Variants in L3MBTL4 observed in about 807,000 individuals in gnomAD.
The protein encoded by L3MBTL4 is lethal(3)malignant brain tumor-like protein 4.
Under a neutral mutation model 84.5 loss-of-function variants are expected in L3MBTL4, and 70 were observed. That is an observed-to-expected ratio of 0.83 (90% CI 0.68 to 1.01). L3MBTL4 has a LOEUF of 1.01. Ranked by LOEUF, L3MBTL4 falls within the 50% of genes least tolerant of loss-of-function variation. The pLI is 0.00. For synonymous variants in L3MBTL4, 274 were observed against 259.8 expected (o/e 1.05, Z -0.52); for missense variants, 715 against 754.8 (o/e 0.95, Z 0.62).
At chr18:6,163,259 T>TGGG (rs71163263) in intron 13 of L3MBTL4, among the ~76,000 whole-genome samples, 2 of 57,350 alleles carry the variant, frequency 3.5e-5, no homozygotes, top group Admixed American at 4.3e-4. Context: ...TGTGTGTGTG[T>TGGG]GGGGGGGGGG....
At chr18:6,099,274 C>T (rs1036932956) in intron 14 of L3MBTL4, among the ~76,000 whole-genome samples, 2 of 148,544 alleles carry the variant, frequency 1.3e-5, no homozygotes, top group African/African-American at 5.2e-5. Flanking sequence ...AAGTGAATAT[C>T]TTTTATTCTT....
At chr18:6,365,259 A>C (rs1379351857) in intron 1 of L3MBTL4, among the ~76,000 whole-genome samples, 1 of 152,204 alleles carries the variant, frequency 6.6e-6, no homozygotes, top group Non-Finnish European at 1.5e-5. Flanking sequence ...TATGTTTTAC[A>C]CAGGCAAAAA....
At chr18:6,402,780 T>A (rs959906047) in intron 1 of L3MBTL4, among the ~76,000 whole-genome samples, 3 of 152,176 alleles carry the variant, frequency 2.0e-5, no homozygotes, top group African/African-American at 7.2e-5. Flanking sequence ...CGTTTGAGAG[T>A]GTCAGAATTC....
At chr18:6,002,996 G>A (rs948298203) in intron 16 of L3MBTL4, among the ~76,000 whole-genome samples, 1 of 150,318 alleles carries the variant, frequency 6.7e-6, no homozygotes, top group African/African-American at 2.4e-5. Flanking sequence ...AAAGGGAAAA[G>A]ATGTAAAAGG....
At chr18:6,095,923 A>G (rs2058627813) in intron 14 of L3MBTL4, among the ~76,000 whole-genome samples, 1 of 152,184 alleles carries the variant, frequency 6.6e-6, no homozygotes, top group Admixed American at 6.5e-5. Context: ...AAAAGTTGGA[A>G]GGCATTAGGC....
chr18:6,371,953 AAAG>A (rs1361699650), intron 1 of L3MBTL4, among the ~76,000 whole-genome samples: 1 of 152,160 alleles, frequency 6.6e-6, no homozygotes, highest in Non-Finnish European at 1.5e-5. Flanking sequence ...CTGAAGCCAT[AAAG>A]AAGATACATG....
intron 17 of L3MBTL4, among the ~76,000 whole-genome samples, chr18:5,964,289 G>GA (rs2144716394): frequency 6.6e-6 from 1 of 152,322 alleles, no homozygotes; most frequent in East Asian, 1.9e-4. Context: ...CCTGCCAGCC[G>GA]ACCTCACTTC....
At chr18:6,166,606 G>A (rs1253765961) in intron 13 of L3MBTL4, among the ~76,000 whole-genome samples, 2 of 152,038 alleles carry the variant, frequency 1.3e-5, no homozygotes, top group African/African-American at 2.4e-5. Context: ...TGAAGGCAGA[G>A]ATAAAGATGT....
intron 4 of L3MBTL4, among the ~76,000 whole-genome samples, chr18:6,282,691 G>T (rs890559503): frequency 6.6e-6 from 1 of 152,110 alleles, no homozygotes; most frequent in Non-Finnish European, 1.5e-5. Context: ...CAAAGGAAAG[G>T]TAGGCAGGTG....
At chr18:5,993,846 G>C (rs1489888273) in intron 16 of L3MBTL4, among the ~76,000 whole-genome samples, 5 of 152,128 alleles carry the variant, frequency 3.3e-5, no homozygotes, top group African/African-American at 1.2e-4. Context: ...CACAGGAATG[G>C]AATTTGTAAC....
At chr18:6,311,860 T>G (rs1219301198) in intron 2 of L3MBTL4, 138 bp downstream of exon 2, 3 of 396,570 alleles carry the variant, frequency 7.6e-6, no homozygotes, top group Non-Finnish European at 1.4e-5. Context: ...GTTTACTACC[T>G]CATCTAGAAT....
intron 16 of L3MBTL4, among the ~76,000 whole-genome samples, chr18:6,003,909 T>C (rs188532008): frequency 6.6e-6 from 1 of 152,124 alleles, no homozygotes; most frequent in Admixed American, 6.5e-5. Flanking sequence ...CTGTAAATGC[T>C]TACATTAGAA....
intron 1 of L3MBTL4, among the ~76,000 whole-genome samples, chr18:6,356,514 T>C (rs1312396252): frequency 6.6e-6 from 1 of 152,334 alleles, no homozygotes; most frequent in East Asian, 1.9e-4. Flanking sequence ...ACAAACCTAC[T>C]GGGTAGAGCC....
At chr18:6,000,228 T>C (rs776527994) in intron 16 of L3MBTL4, among the ~76,000 whole-genome samples, 6 of 152,054 alleles carry the variant, frequency 3.9e-5, no homozygotes, top group Non-Finnish European at 5.9e-5. Flanking sequence ...ACTGAGGAGA[T>C]GAAAGAGTGA....
intron 1 of L3MBTL4, among the ~76,000 whole-genome samples, chr18:6,342,944 T>C (rs1180943865): frequency 2.0e-5 from 3 of 151,882 alleles, no homozygotes; most frequent in Non-Finnish European, 2.9e-5. Context: ...TATACTTATA[T>C]CAGAAAAAAA....
At chr18:6,179,475 G>A (rs1326581726) in intron 12 of L3MBTL4, among the ~76,000 whole-genome samples, 1 of 152,162 alleles carries the variant, frequency 6.6e-6, no homozygotes, top group Non-Finnish European at 1.5e-5. Context: ...CCAGGCTCTG[G>A]GCTCTGTTGA....
chr18:6,322,160 C>G (rs1012866814), intron 1 of L3MBTL4, among the ~76,000 whole-genome samples: 14 of 151,776 alleles, frequency 9.2e-5, no homozygotes, highest in African/African-American at 3.4e-4. Context: ...AGTTCAAGAC[C>G]AGCGTGGGCA....
At chr18:6,136,887 G>A (rs2060043842) in intron 14 of L3MBTL4, among the ~76,000 whole-genome samples, 1 of 152,196 alleles carries the variant, frequency 6.6e-6, no homozygotes, top group African/African-American at 2.4e-5. Context: ...GAGGACAGAA[G>A]AAATGCAGCG....
chr18:6,197,172 G>A (rs1428717140), intron 12 of L3MBTL4, among the ~76,000 whole-genome samples: 2 of 152,168 alleles, frequency 1.3e-5, no homozygotes, highest in Non-Finnish European at 2.9e-5. Flanking sequence ...ATAAGTAAAC[G>A]TGTGCCATGG....
Sources: gnomAD v4.1 joint callset for allele counts (sites outside exome capture counted in the v4.1 genomes callset) on GRCh38, gnomAD v4.1.1 for gene constraint, MANE v1.5 for transcripts, NCBI Gene and HGNC (gene_info 2026-07-23, HGNC 2026-07-21) for gene names.